Variants in KLK11 observed in about 807,000 individuals in gnomAD.
The protein encoded by KLK11 is kallikrein-11.
In KLK11, 10 loss-of-function variants were observed where a neutral mutation model predicts 23.4. That is an observed-to-expected ratio of 0.43 (90% CI 0.26 to 0.73). KLK11 has a LOEUF of 0.73. Ranked by LOEUF, KLK11 falls within the 30% of genes least tolerant of loss-of-function variation. KLK11 has a pLI of 0.22. For missense variants in KLK11, 285 were observed against 327.8 expected, an observed-to-expected ratio of 0.87 and a Z score of 1.01; for synonymous variants, 131 against 131.7, an observed-to-expected ratio of 0.99 and a Z score of 0.03.
At chr19:51,027,512 C>T (rs2091504485), upstream of KLK11, 2 of 1,614,014 alleles carry the variant, frequency 1.2e-6, no homozygotes, top group African/African-American at 2.7e-5. Flanking sequence ...ACCTCAACCT[C>T]TGCATCTGCG....
rs1227755371 is a variant in KLK11, at chr19:51,024,524, C to G, written c.197+114G>C. On this transcript the variant is annotated intron_variant, in intron 3 of 5. Coordinates refer to ENST00000453757, the MANE Select transcript of KLK11 (RefSeq NM_001136032.3). The surrounding 1 kb of genome is among the most constrained non-coding windows in gnomAD (Gnocchi z 6.2). ...CTCGAGCCCATCAACCTTGCTGACA[C>G]TACCCATCCCCATCTCTAATCCCCT... is the stretch of plus-strand genomic sequence containing the variant. The G allele has an allele frequency of 7.8e-7, 1 of 1,286,726 alleles. No individual in the cohort carries two copies. The highest frequency in any genetic ancestry group is 1.5e-5 in the South Asian group (1 of 65,120). The allele number at this position is 1,286,726 out of a possible 1,614,324, so 79.7% of individuals were successfully genotyped here.
Position 51,025,144 on chromosome 19 carries a change from TGGTCCCAGCTACC to T in KLK11, c.41-363_41-351del, listed in dbSNP as rs2091462984. Among the ~76,000 whole-genome samples the T allele has an allele frequency of 1.3e-5, 2 of 152,000 alleles. 1 individual carries two copies. Among genetic ancestry groups the T allele is most frequent in the South Asian group, 4.1e-4 (2 of 4,820 alleles). On this transcript the variant is annotated intron_variant, in intron 2 of 5. Coordinates refer to ENST00000453757, the MANE Select transcript of KLK11 (RefSeq NM_001136032.3). This position sits in a 1 kb window ranked among gnomAD's most constrained non-coding sequence, Gnocchi z 6.2. ...AGCCTGGCTTGGTGGCAGGTGCCTG[TGGTCCCAGCTACC>T]GGGGAAGCTGAGATGGCTTAAGGAT...
intron 1 of KLK11, among the ~76,000 whole-genome samples, 155 bp downstream of exon 1, chr19:51,026,383 C>T (rs984501823): frequency 7.9e-5 from 12 of 151,802 alleles, no homozygotes; most frequent in Non-Finnish European, 1.3e-4. Context: ...GGACAGCCAT[C>T]GGAGGTGAGA....
chr19:51,023,360 A>T, intron 4 of KLK11, 132 bp from the exon 5 acceptor site: 3 of 1,048,176 alleles, frequency 2.9e-6, no homozygotes, highest in Non-Finnish European at 4.1e-6. Context: ...TTCTTGTAAC[A>T]ATAGCAACAG....
At chr19:51,027,479 C>G (rs201833226), upstream of KLK11, 5 of 1,614,094 alleles carry the variant, frequency 3.1e-6, no homozygotes, top group Non-Finnish European at 4.2e-6. Context: ...GACCTCTGCC[C>G]GATGACTTCC....
At chr19:51,023,592 C>T in intron 4 of KLK11, 1 of 226,144 alleles carries the variant, frequency 4.4e-6, no homozygotes, top group Non-Finnish European at 8.7e-6. Flanking sequence ...ACCACGTTGG[C>T]CAGGCTGGTA....
rs377099292 is a variant in KLK11 at position 51,025,718 on chromosome 19, G to T, written c.-35-52C>A. 3.2e-4 allele frequency: 225 copies of T among 708,158 alleles called. 2 individuals are homozygous for T. Among genetic ancestry groups the T allele is most frequent in the South Asian group, 6.4e-4 (34 of 52,730 alleles). The allele number at this position is 708,158 out of a possible 1,614,324, so 43.9% of individuals were successfully genotyped here. On this transcript the variant is annotated intron_variant, in intron 1 of 5. Coordinates refer to ENST00000453757, the MANE Select transcript of KLK11 (RefSeq NM_001136032.3). The surrounding 1 kb of genome is among the most constrained non-coding windows in gnomAD (Gnocchi z 6.2). Reference sequence around the variant, plus strand: ...GCATCACTTTACGGGGAAATCGGGAGGGGGGGGCTGGCTCATGCCCTCTCC... The same window carrying T: ...GCATCACTTTACGGGGAAATCGGGATGGGGGGGCTGGCTCATGCCCTCTCC...
upstream of KLK11, chr19:51,027,052 T>C (rs929273255): frequency 1.1e-5 from 2 of 185,270 alleles, no homozygotes; most frequent in South Asian, 1.3e-4. Flanking sequence ...TATCTTTGTG[T>C]CTCTCAGTCA....
intron 5 of KLK11, 25 bp downstream of exon 5, chr19:51,023,067 G>T (rs1184397454): frequency 6.3e-7 from 1 of 1,585,078 alleles, no homozygotes; most frequent in Non-Finnish European, 8.6e-7. Flanking sequence ...ATGGGGATGG[G>T]GCTGTGGTTG....
upstream of KLK11, chr19:51,027,528 C>G (rs180786698): frequency 6.2e-7 from 1 of 1,613,962 alleles, no homozygotes; most frequent in Non-Finnish European, 8.5e-7. Context: ...CTGCGGAACC[C>G]GAGCGCAGAT....
rs757431451 is a variant in KLK11, at chr19:51,022,643, A to G, written c.655T>C (p.Trp219Arg). The G allele has an allele frequency of 1.2e-6, 2 of 1,613,560 alleles. No homozygotes were observed. The highest frequency in any genetic ancestry group is 2.7e-5 in the African/African-American group (2 of 74,902). Residue 219 changes from tryptophan to arginine, a missense_variant, in exon 6 of 6, where the codon TGG (tryptophan) becomes CGG (arginine). Trp to Arg is a moderately radical substitution (Grantham distance 101). Transcript: ENST00000453757. ...CNQSLQGIIS[W>R]GQDPCAITRK... ...GTGATCGCACACGGATCCTGGCCCCAGGAGATAATGCCTTGAAGAGACTGG... is the reference window on the plus strand; with the variant it reads ...GTGATCGCACACGGATCCTGGCCCCGGGAGATAATGCCTTGAAGAGACTGG...
chr19:51,024,599 AG>A lies in KLK11; in HGVS notation c.197+38del. 6 of 1,322,752 alleles carry A rather than the reference AG, an allele frequency of 4.5e-6. No individual in the cohort carries two copies. Among genetic ancestry groups the A allele is most frequent in the Non-Finnish European group, 6.1e-6 (6 of 981,600 alleles). 81.9% of individuals were successfully genotyped at this position (1,322,752 alleles called of 1,614,324 possible). A position where few individuals can be genotyped will look rare whatever the true frequency, so the allele number is the denominator to read the frequency against. On this transcript the variant is annotated intron_variant, in intron 3 of 5. Coordinates refer to ENST00000453757, the MANE Select transcript of KLK11 (RefSeq NM_001136032.3). This position sits in a 1 kb window ranked among gnomAD's most constrained non-coding sequence, Gnocchi z 6.2. ...TCTCTCCATCCATCTCCCCATTCCCAGCCCCCCACCCCGGCACCGCCCCAGC... is the reference window on the plus strand; with the variant it reads ...TCTCTCCATCCATCTCCCCATTCCCACCCCCCACCCCGGCACCGCCCCAGC...
chr19:51,026,462 C>T (rs924980779), intron 1 of KLK11, 76 bp downstream of exon 1: 21 of 640,160 alleles, frequency 3.3e-5, no homozygotes, highest in African/African-American at 2.4e-4. Context: ...AATGGGTGCC[C>T]GAGTGGGACA....
intron 4 of KLK11, 86 bp from the exon 5 acceptor site, chr19:51,023,314 G>A (rs909807012): frequency 5.9e-6 from 9 of 1,520,912 alleles, no homozygotes; most frequent in African/African-American, 2.7e-5. Flanking sequence ...GCCCCTGGGG[G>A]AATCCCTGTC....
chr19:51,024,520 G>A lies in KLK11; in HGVS notation c.197+118C>T. The A allele has an allele frequency of 1.6e-6, 2 of 1,264,952 alleles. No homozygotes were observed. Among genetic ancestry groups the A allele is most frequent in the Middle Eastern group, 2.7e-4 (1 of 3,660 alleles). The allele number at this position is 1,264,952 out of a possible 1,614,324, so 78.4% of individuals were successfully genotyped here. A position where few individuals can be genotyped will look rare whatever the true frequency, so the allele number is the denominator to read the frequency against. Reference sequence around the variant, plus strand: ...CCAACTCGAGCCCATCAACCTTGCTGACACTACCCATCCCCATCTCTAATC... The same window carrying A: ...CCAACTCGAGCCCATCAACCTTGCTAACACTACCCATCCCCATCTCTAATC... On this transcript the variant is annotated intron_variant, in intron 3 of 5. Coordinates refer to ENST00000453757, the MANE Select transcript of KLK11 (RefSeq NM_001136032.3). This position sits in a 1 kb window ranked among gnomAD's most constrained non-coding sequence, Gnocchi z 6.2.
chr19:51,023,087 C>G lies in KLK11; in HGVS notation c.600+5G>C. 1 of 1,602,498 alleles carries G rather than the reference C, an allele frequency of 6.2e-7. No individual in the cohort carries two copies. Among genetic ancestry groups the G allele is most frequent in the Non-Finnish European group, 8.5e-7 (1 of 1,174,582 alleles). On this transcript the variant is annotated splice_donor_5th_base_variant and intron_variant, in intron 5 of 5. Transcript: ENST00000453757. Reference sequence around the variant, plus strand: ...GATGGGGCTGTGGTTGGAGACCACACTGACCTGGCAGGAGTCCTTGCCCCC... The same window carrying G: ...GATGGGGCTGTGGTTGGAGACCACAGTGACCTGGCAGGAGTCCTTGCCCCC...
rs952378616 is a variant in KLK11, at chr19:51,025,157, C to T, written c.41-363G>A. Among the ~76,000 whole-genome samples the T allele has an allele frequency of 1.4e-4, 21 of 151,792 alleles. No homozygotes were observed. The highest frequency in any genetic ancestry group is 7.3e-5 in the African/African-American group (3 of 41,298). On this transcript the variant is annotated intron_variant, in intron 2 of 5. Transcript: ENST00000453757. This position sits in a 1 kb window ranked among gnomAD's most constrained non-coding sequence, Gnocchi z 6.2. ...GGCAGGTGCCTGTGGTCCCAGCTAC[C>T]GGGGAAGCTGAGATGGCTTAAGGAT...
upstream of KLK11, chr19:51,027,142 G>T: frequency 3.1e-6 from 1 of 319,564 alleles, no homozygotes; most frequent in Non-Finnish European, 5.7e-6. Flanking sequence ...TTTTCCTCCC[G>T]TCCCAGCCAC....
At chr19:51,027,341 G>T, upstream of KLK11, 1 of 1,053,828 alleles carries the variant, frequency 9.5e-7, no homozygotes, top group Non-Finnish European at 1.4e-6. Flanking sequence ...AAAGGGAACA[G>T]AGCCCTTGGC....
Sources: allele counts gnomAD v4.1 joint callset (sites outside exome capture counted in the v4.1 genomes callset), GRCh38; gene constraint gnomAD v4.1.1; non-coding constraint Gnocchi (gnomAD v3.1); transcripts MANE v1.5; gene names NCBI Gene and HGNC (gene_info 2026-07-23, HGNC 2026-07-21).